ENPP1: variants seen among roughly 807,000 people sequenced by gnomAD.
ENPP1 encodes ectonucleotide pyrophosphatase/phosphodiesterase family member 1.
In ENPP1, 73 loss-of-function variants were observed where a neutral mutation model predicts 122.8. The observed-to-expected ratio is 0.59, with a 90% CI of 0.49 to 0.72. The LOEUF (loss-of-function observed/expected upper bound fraction) is 0.72, where lower values mean the gene tolerates loss of function less well. ENPP1 is among the 30% of genes least tolerant of loss of function. ENPP1 has a pLI of 0.00. For synonymous variants in ENPP1, 367 were observed against 391.6 expected (o/e 0.94, Z 0.74); for missense variants, 978 against 1,128.1 (o/e 0.87, Z 1.91).
At chr6:131,861,175 T>C (rs1381795975) in intron 8 of ENPP1, among the ~76,000 whole-genome samples, 1 of 152,160 alleles carries the variant, frequency 6.6e-6, no homozygotes, top group Non-Finnish European at 1.5e-5. Flanking sequence ...TAGATAATAT[T>C]GTTTACTACT....
Position 131,890,514 on chromosome 6 carries a change from T to G in ENPP1, c.*3T>G. 6.2e-7 allele frequency: 1 copy of G among 1,611,480 alleles called. No homozygotes were observed. Among genetic ancestry groups the G allele is most frequent in the Non-Finnish European group, 8.5e-7 (1 of 1,177,546 alleles). ...CAACCTTTAGCCAAGAAGACTGATA[T>G]GTTTTTTATCCCCAAACACCATGAA... On this transcript the variant is annotated 3_prime_UTR_variant, in exon 25 of 25. Transcript: ENST00000647893.
At position 131,850,074 on chromosome 6, in the gene ENPP1, G is replaced by C. The variant is rs760951399; in HGVS notation, c.398G>C (p.Cys133Ser). Residue 133 changes from cysteine (C) to serine (S), a missense_variant, in exon 3 of 25, where the codon TGT becomes TCT. Physicochemically the swap from Cys to Ser is moderately radical, Grantham distance 112 (BLOSUM62 -1). This residue lies in a region of ENPP1 where 330 missense variants were observed against 328.5 expected (regional missense o/e 1.00). Coordinates refer to ENST00000647893, the MANE Select transcript of ENPP1 (RefSeq NM_006208.3). ...GCCTGTGTTGAGCTTGGAAACTGCT[G>C]TTTAGATTACCAGGAGACGTGCATA... ...DAACVELGNC[C>S]LDYQETCIEP... 6.2e-7 allele frequency: 1 copy of C among 1,613,464 alleles called. No homozygotes were observed.
chr6:131,808,371 A>G, intron 1 of ENPP1, 96 bp downstream of exon 1: 1 of 1,348,456 alleles, frequency 7.4e-7, no homozygotes, highest in South Asian at 1.8e-5. Flanking sequence ...AGCACCGGGC[A>G]CCGGAGAGAG....
chr6:131,830,498 C>G (rs1416685326), intron 1 of ENPP1, among the ~76,000 whole-genome samples: 1 of 152,154 alleles, frequency 6.6e-6, no homozygotes, highest in Admixed American at 6.5e-5. Flanking sequence ...CAGTGCCCAT[C>G]ACAGGCAGGG....
At chr6:131,859,608 A>C (rs1585822282) in intron 7 of ENPP1, among the ~76,000 whole-genome samples, 1 of 16,972 alleles carries the variant, frequency 5.9e-5, no homozygotes, top group Non-Finnish European at 1.2e-4. Flanking sequence ...CTAGGGGCGG[A>C]TGGGGGGAAT....
Position 131,895,033 on chromosome 6 carries a change from A to G in ENPP1, c.*4522A>G, listed in dbSNP as rs1283242435. ...AAAATTTTATAATGACTGCAGTCCA[A>G]GGACATTTTCCCTGGTTTTTGGCCA... On this transcript the variant is annotated 3_prime_UTR_variant, in exon 25 of 25. Transcript: ENST00000647893. The G allele has an allele frequency of 6.6e-6, 1 of 152,258 alleles. No individual in the cohort carries two copies. Among genetic ancestry groups the G allele is most frequent in the Non-Finnish European group, 1.5e-5 (1 of 68,046 alleles). The allele number at this position is 152,258 out of a possible 1,614,324, so 9.4% of individuals were successfully genotyped here.
chr6:131,884,876 C>T (rs923842839), intron 22 of ENPP1, 55 bp from the exon 23 acceptor site: 13 of 1,590,966 alleles, frequency 8.2e-6, no homozygotes, highest in African/African-American at 5.4e-5. Flanking sequence ...TTATTTCACA[C>T]GTCAACATGG....
At chr6:131,864,837 A>G (rs754217909) in intron 10 of ENPP1, 29 bp from the exon 11 acceptor site, 1 of 1,419,052 alleles carries the variant, frequency 7.0e-7, no homozygotes, top group Admixed American at 1.7e-5. Flanking sequence ...TGTTCGTAAA[A>G]TATTACATTT....
At position 131,872,951 on chromosome 6, in the gene ENPP1, C is replaced by T; in HGVS notation, c.1466C>T (p.Pro489Leu). 6.2e-7 allele frequency: 1 copy of T among 1,613,688 alleles called. No homozygotes were observed. The highest frequency in any genetic ancestry group is 8.5e-7 in the Non-Finnish European group (1 of 1,179,708). The change falls in exon 15 of 25, where the codon CCT becomes CTT. Residue 489 changes from proline (P) to leucine (L), a missense_variant. Physicochemically the swap from Pro to Leu is moderately conservative, Grantham distance 98. Around this residue, in one of 3 missense-constraint regions of ENPP1, gnomAD observed 644 missense variants for 781.5 expected, o/e 0.82. Transcript: ENST00000647893. ...CGGGAACCAAACCAGCACTTCAAACCTTACCTGAAACATTTCTTACCTAAG... is the reference window on the plus strand; with the variant it reads ...CGGGAACCAAACCAGCACTTCAAACTTTACCTGAAACATTTCTTACCTAAG... ...SCREPNQHFK[P>L]YLKHFLPKRL...
chr6:131,853,644 C>G (rs556084198), intron 5 of ENPP1, among the ~76,000 whole-genome samples: 1 of 152,170 alleles, frequency 6.6e-6, no homozygotes, highest in South Asian at 2.1e-4. Context: ...AAAATGTTCT[C>G]CTTGTGGGGT....
Position 131,890,614 on chromosome 6 carries a change from A to G in ENPP1, c.*103A>G, listed in dbSNP as rs934807026. The G allele has an allele frequency of 1.0e-5, 11 of 1,071,334 alleles. No individual in the cohort carries two copies. The Admixed American group carries it at 1.6e-4, about 15-fold the overall frequency. 66.4% of individuals were successfully genotyped at this position (1,071,334 alleles called of 1,614,324 possible). ...GCATTGTTCAGAAACTGTCGACCAG[A>G]GTTAGAACGGAGCCCTCGGTGATGC... On this transcript the variant is annotated 3_prime_UTR_variant, in exon 25 of 25. Coordinates refer to ENST00000647893, the MANE Select transcript of ENPP1 (RefSeq NM_006208.3).
intron 1 of ENPP1, among the ~76,000 whole-genome samples, chr6:131,843,656 C>T (rs1344008617): frequency 3.6e-5 from 5 of 140,118 alleles, no homozygotes; most frequent in South Asian, 2.1e-4. Context: ...CAGGGCATGT[C>T]GTCTTTTTTT....
At chr6:131,809,333 C>T (rs1427744407) in intron 1 of ENPP1, among the ~76,000 whole-genome samples, 1 of 152,106 alleles carries the variant, frequency 6.6e-6, no homozygotes, top group Non-Finnish European at 1.5e-5. Context: ...ATTTTGTATG[C>T]ATTTCCATTT....
chr6:131,890,635 G>GTCCGGAGTTAGA lies in ENPP1; in HGVS notation c.*124_*125insTCCGGAGTTAGA. Reference sequence around the variant, plus strand: ...CCAGAGTTAGAACGGAGCCCTCGGTGATGCGGACATCTCAGGGAAACTTGC... The same window carrying GTCCGGAGTTAGA: ...CCAGAGTTAGAACGGAGCCCTCGGTGTCCGGAGTTAGAATGCGGACATCTCAGGGAAACTTGC... On this transcript the variant is annotated 3_prime_UTR_variant, in exon 25 of 25. Transcript: ENST00000647893. The GTCCGGAGTTAGA allele has an allele frequency of 1.2e-6, 1 of 824,738 alleles. No individual in the cohort carries two copies. Among genetic ancestry groups the GTCCGGAGTTAGA allele is most frequent in the Non-Finnish European group, 2.0e-6 (1 of 491,338 alleles). 51.1% of individuals were successfully genotyped at this position (824,738 alleles called of 1,614,324 possible). A position where few individuals can be genotyped will look rare whatever the true frequency, so the allele number is the denominator to read the frequency against.
chr6:131,828,813 G>A (rs1781576828), intron 1 of ENPP1, among the ~76,000 whole-genome samples: 1 of 152,206 alleles, frequency 6.6e-6, no homozygotes, highest in South Asian at 2.1e-4. Flanking sequence ...CTGTGATTGT[G>A]ATTGAATAAA....
At position 131,886,824 on chromosome 6, in the gene ENPP1, C is replaced by CTCT. The variant is rs10692757; in HGVS notation, c.2607+101_2607+102insCTT. On this transcript the variant is annotated intron_variant, in intron 24 of 24. Transcript: ENST00000647893. ...GACATTACAGTGAGAGAAAGCACAA[C>CTCT]TGAGTACACATGGACTTCGAAATTA... 318,036 of 989,498 alleles carry CTCT rather than the reference C, an allele frequency of 0.32. 69,409 individuals carry two copies. The highest frequency in any genetic ancestry group is 0.84 in the African/African-American group (51,425 of 61,264). The allele number at this position is 989,498 out of a possible 1,614,324, so 61.3% of individuals were successfully genotyped here.
At chr6:131,837,542 A>AT (rs1554277452) in intron 1 of ENPP1, among the ~76,000 whole-genome samples, 1 of 145,278 alleles carries the variant, frequency 6.9e-6, no homozygotes, top group African/African-American at 2.6e-5. Context: ...AAAAAAAAAA[A>AT]ACCCAACCAG....
chr6:131,862,670 C>T (rs1053245177), intron 9 of ENPP1, among the ~76,000 whole-genome samples: 4 of 152,166 alleles, frequency 2.6e-5, no homozygotes, highest in Non-Finnish European at 5.9e-5. Flanking sequence ...AGCCAGATGA[C>T]CAGGCTGGGT....
At position 131,860,388 on chromosome 6, in the gene ENPP1, G is replaced by C. The variant is rs121908248; in HGVS notation, c.797G>C (p.Gly266Ala). The change falls in exon 8 of 25, where the codon GGA (glycine) becomes GCA (alanine). Residue 266 changes from glycine to alanine, a missense_variant and splice_region_variant. Coordinates refer to ENST00000647893, the MANE Select transcript of ENPP1 (RefSeq NM_006208.3). ...TATAATCTGTTTTATCTTTTTTAGG[G>C]ATTGTATCCAGAATCTCATGGCATA... is the stretch of plus-strand genomic sequence containing the variant. The part of the protein sequence containing the change: ...TFPNHYSIVT[G>A]LYPESHGIID... 6.3e-7 allele frequency: 1 copy of C among 1,593,540 alleles called. No homozygotes were observed. Among genetic ancestry groups the C allele is most frequent in the Non-Finnish European group, 8.6e-7 (1 of 1,162,626 alleles).
Sources: gnomAD v4.1 joint callset for allele counts (sites outside exome capture counted in the v4.1 genomes callset) on GRCh38, gnomAD v4.1.1 for gene constraint, gnomAD v4.1.1 regional missense constraint, MANE v1.5 for transcripts, NCBI Gene and HGNC (gene_info 2026-07-23, HGNC 2026-07-21) for gene names.